The following CALN1 variants were observed in gnomAD, a reference collection of about 807,000 sequenced individuals.
CALN1 encodes calneuron 1.
A neutral mutation model predicts 30.6 loss-of-function variants in CALN1; 17 were observed. The observed-to-expected ratio is 0.56, with a 90% confidence interval of 0.38 to 0.83. CALN1 has a LOEUF of 0.83. Ranked by LOEUF, CALN1 falls within the 40% of genes least tolerant of loss-of-function variation. The pLI is 0.00. For synonymous variants in CALN1, 156 were observed against 131.4 expected (o/e 1.19, Z -1.28); for missense variants, 291 against 354.9 (o/e 0.82, Z 1.45).
rs148336530 is a variant in CALN1, at chr7:72,061,697, T to G, written c.389-37928A>C. 2.9e-3 allele frequency among the ~76,000 whole-genome samples: 433 copies of G among 149,274 alleles called. 4 individuals are homozygous for G. Among genetic ancestry groups the G allele is most frequent in the African/African-American group, 0.01 (413 of 40,604 alleles). On this transcript the variant is annotated intron_variant, in intron 4 of 6. Coordinates refer to ENST00000395275, the MANE Select transcript of CALN1 (RefSeq NM_031468.4). Reference sequence around the variant, plus strand: ...AGGCATAAAAGGAGATGAGAAAGGCTGCAGAGAAGAAAAAATATTTAAAGA... The same window carrying G: ...AGGCATAAAAGGAGATGAGAAAGGCGGCAGAGAAGAAAAAATATTTAAAGA...
At chr7:72,373,889 T>C (rs1804393108) in intron 2 of CALN1, among the ~76,000 whole-genome samples, 1 of 152,122 alleles carries the variant, frequency 6.6e-6, no homozygotes, top group South Asian at 2.1e-4. Context: ...GCATTGCTTG[T>C]AGAAAAGCAA....
At chr7:72,493,479 C>T in the CALN1 span, among the ~76,000 whole-genome samples, 1 of 152,076 alleles carries the variant, frequency 6.6e-6, no homozygotes, top group Admixed American at 6.6e-5. Flanking sequence ...CCTAGGACTA[C>T]AAGCATGCAC....
chr7:72,316,283 T>C (rs1324118775), intron 2 of CALN1, among the ~76,000 whole-genome samples: 8 of 151,994 alleles, frequency 5.3e-5, no homozygotes, highest in Non-Finnish European at 1.0e-4. Flanking sequence ...TTGAAAATGT[T>C]GAAGTGGGAG....
rs1340110440 is a variant in CALN1 at position 72,319,816 on chromosome 7, T to C, written c.120-41006A>G. On this transcript the variant is annotated intron_variant, in intron 2 of 6. Coordinates refer to ENST00000395275, the MANE Select transcript of CALN1 (RefSeq NM_031468.4). ...GCTAAATAATGTGTACACACGGACA[T>C]AGAGAGTGGAAACATAGACAATGGA... 2.6e-5 allele frequency among the ~76,000 whole-genome samples: 4 copies of C among 151,566 alleles called. No individual in the cohort carries two copies. The East Asian group carries it at 7.8e-4, about 29-fold the overall frequency.
intron 3 of CALN1, among the ~76,000 whole-genome samples, chr7:72,209,088 CTCCTT>C (rs1219683099): frequency 1.5e-5 from 2 of 132,172 alleles, no homozygotes; most frequent in Non-Finnish European, 3.1e-5. Flanking sequence ...CTTCCCTTCC[CTCCTT>C]TCTTGTGTCA....
intron 2 of CALN1, among the ~76,000 whole-genome samples, chr7:72,402,583 G>A (rs1446303738): frequency 6.6e-6 from 1 of 152,148 alleles, no homozygotes; most frequent in African/African-American, 2.4e-5. Flanking sequence ...CACACCCAGA[G>A]TTGAAATTCC....
At chr7:72,284,198 G>A (rs1055614995) in intron 2 of CALN1, among the ~76,000 whole-genome samples, 3 of 152,136 alleles carry the variant, frequency 2.0e-5, no homozygotes, top group African/African-American at 7.2e-5. Flanking sequence ...AGGAGGCTGA[G>A]GTAGGAAGAT....
At chr7:72,149,276 T>G (rs1787028324) in intron 3 of CALN1, among the ~76,000 whole-genome samples, 2 of 151,946 alleles carry the variant, frequency 1.3e-5, no homozygotes, top group Admixed American at 1.3e-4. Flanking sequence ...CAAACCAGCC[T>G]GGCCAACGTG....
chr7:71,992,009 T>C (rs1488578691), intron 5 of CALN1, among the ~76,000 whole-genome samples: 5 of 152,230 alleles, frequency 3.3e-5, no homozygotes, highest in African/African-American at 4.8e-5. Context: ...TGTATGATTA[T>C]AGATTATTCT....
At chr7:72,362,257 T>G (rs766669846) in intron 2 of CALN1, among the ~76,000 whole-genome samples, 1 of 152,206 alleles carries the variant, frequency 6.6e-6, no homozygotes, top group African/African-American at 2.4e-5. Context: ...GTCTACCAAT[T>G]TGATGACTTT....
At chr7:72,372,322 T>C (rs1328499738) in intron 2 of CALN1, among the ~76,000 whole-genome samples, 3 of 152,048 alleles carry the variant, frequency 2.0e-5, no homozygotes, top group Non-Finnish European at 2.9e-5. Flanking sequence ...TGGGAAAAAC[T>C]TCTGTTGCTT....
chr7:72,382,003 C>T lies in CALN1; in HGVS notation c.119+21248G>A, dbSNP rs562876729. On this transcript the variant is annotated intron_variant, in intron 2 of 6. Transcript: ENST00000395275. ...AAGTTCAAAGTGGATCACAACTTGG[C>T]GAAATCAATGAGAAGAGACTCACAG... 5.3e-5 allele frequency among the ~76,000 whole-genome samples: 8 copies of T among 152,124 alleles called. No homozygotes were observed. In the South Asian group the frequency reaches 1.0e-3, roughly 20 times the overall value.
At chr7:72,221,312 C>CTTTTT (rs1174615183) in intron 3 of CALN1, among the ~76,000 whole-genome samples, 29 of 88,988 alleles carry the variant, frequency 3.3e-4, no homozygotes, top group African/African-American at 9.2e-4. Flanking sequence ...GTCTTGGCTT[C>CTTTTT]TTTTTTTTTT....
chr7:72,070,219 C>T (rs1407916844), intron 4 of CALN1, among the ~76,000 whole-genome samples: 2 of 152,210 alleles, frequency 1.3e-5, no homozygotes, highest in East Asian at 3.8e-4. Flanking sequence ...AGGTGAAATG[C>T]CTTTGGGAAT....
chr7:72,054,510 C>CAT (rs202066538), intron 4 of CALN1, among the ~76,000 whole-genome samples: 1,806 of 82,514 alleles, frequency 0.022, 102 homozygotes, highest in African/African-American at 0.13. Flanking sequence ...CATATATATA[C>CAT]ATATATATAC....
At chr7:72,064,102 C>T (rs1803853762) in intron 4 of CALN1, among the ~76,000 whole-genome samples, 3 of 148,412 alleles carry the variant, frequency 2.0e-5, no homozygotes, top group Admixed American at 2.0e-4. Context: ...GGTGAAACCC[C>T]GTCTCTACGT....
chr7:71,989,440 TAA>T (rs5884868), intron 5 of CALN1, among the ~76,000 whole-genome samples: 151 of 134,892 alleles, frequency 1.1e-3, no homozygotes, highest in East Asian at 6.1e-3. Flanking sequence ...TTCCATCTAT[TAA>T]AAAAAAAAAA....
rs1036919510 is a variant in CALN1, at chr7:72,403,348, C to T, written c.22G>A (p.Gly8Arg). The change falls in exon 2 of 7, where the codon GGA becomes AGA. Residue 8 changes from glycine (G) to arginine (R), a missense_variant. Physicochemically the swap from Gly to Arg is moderately radical, Grantham distance 125. This residue lies in a region of CALN1 where 122 missense variants were observed against 103.2 expected (regional missense o/e 1.18). Transcript: ENST00000395275. MRLPEQP[G>R]EGKPENEKKG... ...TTCTCATTCTCGGGCTTCCCCTCTC[C>T]GGGTTGCTCTGGCAGCCGCATCGGG... 3.9e-6 allele frequency: 6 copies of T among 1,548,372 alleles called. No homozygotes were observed. Among genetic ancestry groups the T allele is most frequent in the East Asian group, 2.4e-5 (1 of 40,944 alleles).
intron 3 of CALN1, among the ~76,000 whole-genome samples, chr7:72,209,004 C>G (rs1161614780): frequency 3.0e-5 from 4 of 134,280 alleles, no homozygotes; most frequent in African/African-American, 1.2e-4. Flanking sequence ...TTCCTTCCCT[C>G]CTTCCCTCTT....
Sources: allele counts gnomAD v4.1 joint callset (sites outside exome capture counted in the v4.1 genomes callset), GRCh38; gene constraint gnomAD v4.1.1; regional missense constraint gnomAD v4.1.1; transcripts MANE v1.5; gene names NCBI Gene and HGNC (gene_info 2026-07-23, HGNC 2026-07-21).